HDAC4: variants seen among roughly 807,000 people sequenced by gnomAD.
HDAC4 encodes the protein histone deacetylase A.
In HDAC4, 16 loss-of-function variants were observed where a neutral mutation model predicts 135.1. The observed-to-expected ratio is 0.12, with a 90% confidence interval of 0.08 to 0.18. The LOEUF is 0.18. Ranked by LOEUF, HDAC4 falls within the 10% of genes least tolerant of loss-of-function variation. HDAC4 has a pLI of 1.00. For missense variants in HDAC4, 1,143 were observed against 1,511.8 expected (o/e 0.76, Z 4.05); for synonymous variants, 685 against 653.4 (o/e 1.05, Z -0.74).
At position 239,273,602 on chromosome 2, in the gene HDAC4, G is replaced by A. The variant is rs190164750; in HGVS notation, c.23-36938C>T. On this transcript the variant is annotated intron_variant, in intron 2 of 26. Transcript: ENST00000543185. ...GCTCATCACCCAGCAGAACGCCCAC[G>A]CCCCCATGCCACAGTCTTGCCAACT... Among the ~76,000 whole-genome samples, 113 of 152,222 alleles carry A rather than the reference G, an allele frequency of 7.4e-4. 1 individual carries two copies. Among genetic ancestry groups the A allele is most frequent in the African/African-American group, 2.6e-3 (109 of 41,526 alleles).
chr2:239,120,382 G>GGTACACACAGAC (rs146099006), intron 12 of HDAC4, among the ~76,000 whole-genome samples: 2 of 149,956 alleles, frequency 1.3e-5, no homozygotes, highest in Non-Finnish European at 3.0e-5. Context: ...TACCCGCAGA[G>GGTACACACAGAC]GCACACACAG....
At chr2:239,064,579 T>C (rs753085595) in intron 24 of HDAC4, among the ~76,000 whole-genome samples, 1 of 152,198 alleles carries the variant, frequency 6.6e-6, no homozygotes, top group Non-Finnish European at 1.5e-5. Flanking sequence ...AATAAGACCC[T>C]GCTCTCAAGA....
chr2:239,056,981 G>A (rs1436271749), intron 24 of HDAC4, among the ~76,000 whole-genome samples: 1 of 152,182 alleles, frequency 6.6e-6, no homozygotes, highest in African/African-American at 2.4e-5. Context: ...TGAGAAAAAA[G>A]ACACGAAATG....
intron 13 of HDAC4, among the ~76,000 whole-genome samples, chr2:239,113,526 G>A (rs539749575): frequency 3.0e-4 from 46 of 152,342 alleles, no homozygotes; most frequent in African/African-American, 1.0e-3. Flanking sequence ...AAGGGGTTCT[G>A]CCTATTACTC....
chr2:239,114,102 A>G (rs1342560311), intron 13 of HDAC4, among the ~76,000 whole-genome samples: 2 of 152,182 alleles, frequency 1.3e-5, no homozygotes, highest in Admixed American at 1.3e-4. Flanking sequence ...TTCAGTGGCA[A>G]GCATTTAAGA....
chr2:239,270,798 A>C (rs955654036), intron 2 of HDAC4, among the ~76,000 whole-genome samples: 9 of 152,250 alleles, frequency 5.9e-5, no homozygotes, highest in African/African-American at 2.2e-4. Context: ...CAGCACGTGC[A>C]GACTTAAGTG....
intron 1 of HDAC4, among the ~76,000 whole-genome samples, chr2:239,377,982 C>T (rs563003142): frequency 7.7e-4 from 117 of 152,266 alleles, no homozygotes; most frequent in African/African-American, 2.7e-3. Context: ...CATCAAAATG[C>T]CTGGTTTTCA....
At chr2:239,163,704 C>T (rs540100237) in intron 6 of HDAC4, 99 bp downstream of exon 6, 7 of 1,254,576 alleles carry the variant, frequency 5.6e-6, no homozygotes, top group East Asian at 2.3e-5. Flanking sequence ...CCTTCCCTGC[C>T]TCCGGTGAAG....
intron 3 of HDAC4, among the ~76,000 whole-genome samples, chr2:239,219,124 T>C (rs1361561010): frequency 1.4e-5 from 2 of 146,136 alleles, no homozygotes; most frequent in East Asian, 2.0e-4. Context: ...ACTGGGTATA[T>C]ACCCAAAGGA....
In HDAC4 at chr2:239,285,086, C is replaced by T. The variant is rs1374537426; in HGVS notation, c.23-48422G>A. Among the ~76,000 whole-genome samples, 1 of 152,196 alleles carries T rather than the reference C, an allele frequency of 6.6e-6. No homozygotes were observed. Among genetic ancestry groups the T allele is most frequent in the Non-Finnish European group, 1.5e-5 (1 of 68,038 alleles). ...CAAATAAAATACATCCCACCCCACA[C>T]CTAGACAATCTACAGTCTACCTTCA... On this transcript the variant is annotated intron_variant, in intron 2 of 26. Transcript: ENST00000543185. This position sits in a 1 kb window ranked among gnomAD's most constrained non-coding sequence, Gnocchi z 4.5.
intron 1 of HDAC4, among the ~76,000 whole-genome samples, chr2:239,365,808 C>A (rs554521624): frequency 2.6e-5 from 4 of 151,274 alleles, no homozygotes; most frequent in African/African-American, 9.7e-5. Context: ...CAGGGTCACA[C>A]GTGTGGCACT....
At chr2:239,216,088 T>TA (rs1483671561) in intron 3 of HDAC4, among the ~76,000 whole-genome samples, 12 of 152,198 alleles carry the variant, frequency 7.9e-5, no homozygotes, top group African/African-American at 2.9e-4. Flanking sequence ...GCTTACATTG[T>TA]ATATAGCTTT....
At chr2:239,094,153 C>A in intron 17 of HDAC4, 1 of 985,474 alleles carries the variant, frequency 1.0e-6, no homozygotes, top group Non-Finnish European at 1.2e-6. Context: ...CTGTAACCGT[C>A]TGTGGTGATT....
intron 3 of HDAC4, among the ~76,000 whole-genome samples, chr2:239,213,948 T>C (rs1575426199): frequency 6.6e-6 from 1 of 152,090 alleles, no homozygotes; most frequent in Non-Finnish European, 1.5e-5. Flanking sequence ...GGCAGGGAGG[T>C]AGAGAAATCT....
chr2:239,360,970 T>C (rs777463433), intron 1 of HDAC4, among the ~76,000 whole-genome samples: 1 of 152,110 alleles, frequency 6.6e-6, no homozygotes, highest in African/African-American at 2.4e-5. Flanking sequence ...GAAAGGCACC[T>C]CTCTCTCCAC....
intron 2 of HDAC4, among the ~76,000 whole-genome samples, chr2:239,277,154 G>A (rs1005359240): frequency 1.3e-5 from 2 of 152,230 alleles, no homozygotes; most frequent in Non-Finnish European, 2.9e-5. Context: ...ACCTGGTATA[G>A]TGGGGTCCCG....
At chr2:239,354,021 A>G (rs1693327775) in intron 1 of HDAC4, among the ~76,000 whole-genome samples, 1 of 152,200 alleles carries the variant, frequency 6.6e-6, no homozygotes, top group Admixed American at 6.5e-5. Context: ...TTATAAAAGC[A>G]ATACATGCGC....
intron 9 of HDAC4, among the ~76,000 whole-genome samples, chr2:239,137,720 C>T (rs2041072490): frequency 1.3e-5 from 2 of 152,126 alleles, no homozygotes; most frequent in African/African-American, 4.8e-5. Flanking sequence ...AGCCCCTGGC[C>T]ATGAAGCACA....
At chr2:239,177,696 G>T (rs192990997) in intron 4 of HDAC4, among the ~76,000 whole-genome samples, 76 of 152,308 alleles carry the variant, frequency 5.0e-4, no homozygotes, top group Non-Finnish European at 1.0e-3. Context: ...AAGAAAAACT[G>T]CAGTATTTAT....
Sources: gnomAD v4.1 joint callset for allele counts (sites outside exome capture counted in the v4.1 genomes callset) on GRCh38, gnomAD v4.1.1 for gene constraint, Gnocchi (gnomAD v3.1) non-coding constraint, MANE v1.5 for transcripts, NCBI Gene and HGNC (gene_info 2026-07-23, HGNC 2026-07-21) for gene names.